EHD4: variants seen among roughly 807,000 people sequenced by gnomAD.
EHD4 encodes EH domain containing 4.
Under a neutral mutation model 51.0 loss-of-function variants are expected in EHD4, and 37 were observed. That is an observed-to-expected ratio of 0.73 (90% CI 0.56 to 0.95). The LOEUF is 0.95. Among genes scored for constraint, EHD4 ranks in the 40% least tolerant of loss-of-function variants. The pLI is 0.00. For synonymous variants in EHD4, 297 were observed against 317.3 expected, an observed-to-expected ratio of 0.94 and a Z score of 0.68; for missense variants, 632 against 733.1, an observed-to-expected ratio of 0.86 and a Z score of 1.59.
At position 41,931,796 on chromosome 15, in the gene EHD4, C is replaced by G. The variant is rs574677400; in HGVS notation, c.511+11271G>C. On this transcript the variant is annotated intron_variant, in intron 3 of 5. Transcript: ENST00000220325. ...GGTTCAAGTGATTCTCCTGCCTCAGCCTCCTGAGTAGCTGGGATTACAGGC... is the reference window on the plus strand; with the variant it reads ...GGTTCAAGTGATTCTCCTGCCTCAGGCTCCTGAGTAGCTGGGATTACAGGC... Among the ~76,000 whole-genome samples, 6 of 151,728 alleles carry G rather than the reference C, an allele frequency of 4.0e-5. No individual in the cohort carries two copies. The East Asian group carries it at 1.2e-3, about 30-fold the overall frequency.
chr15:41,926,335 GA>G (rs1206343906), intron 3 of EHD4, among the ~76,000 whole-genome samples: 1 of 152,202 alleles, frequency 6.6e-6, no homozygotes, highest in Non-Finnish European at 1.5e-5. Context: ...GGTGGTGACG[GA>G]ACACTGCCTA....
intron 1 of EHD4, among the ~76,000 whole-genome samples, chr15:41,960,963 G>A (rs1362452822): frequency 3.3e-5 from 5 of 152,254 alleles, no homozygotes; most frequent in African/African-American, 1.2e-4. Flanking sequence ...GTGAGCCACC[G>A]CGCCAGCCTC....
At chr15:41,970,115 C>T (rs1052690247) in intron 1 of EHD4, among the ~76,000 whole-genome samples, 1 of 152,188 alleles carries the variant, frequency 6.6e-6, no homozygotes, top group Non-Finnish European at 1.5e-5. Context: ...TCCAAGTTCA[C>T]AAGTCTCCAG....
chr15:41,953,741 G>C, intron 2 of EHD4, 23 bp downstream of exon 2: 2 of 1,571,806 alleles, frequency 1.3e-6, no homozygotes, highest in Non-Finnish European at 1.7e-6. Flanking sequence ...CCTGACCGAA[G>C]ATGGCAGCTT....
chr15:41,949,921 T>C (rs2067841921), intron 2 of EHD4, among the ~76,000 whole-genome samples: 1 of 152,172 alleles, frequency 6.6e-6, no homozygotes, highest in Non-Finnish European at 1.5e-5. Flanking sequence ...TGGGTGCCCT[T>C]GGCTGTCTCC....
Position 41,901,149 on chromosome 15 carries a change from G to A in EHD4, c.1122C>T (p.Phe374=). The A allele has an allele frequency of 1.3e-6, 2 of 1,567,630 alleles. No individual in the cohort carries two copies. Among genetic ancestry groups the A allele is most frequent in the Non-Finnish European group, 1.7e-6 (2 of 1,159,812 alleles). The change falls in exon 6 of 6, where the codon TTC becomes TTT. Residue 374 remains phenylalanine, a synonymous_variant. Transcript: ENST00000220325. Reference sequence around the variant, plus strand: ...CGATCAGCTTGGGCTTCAGCGAGTGGAATTTGGTGAAGTCATAGTTCTCAA... The same window carrying A: ...CGATCAGCTTGGGCTTCAGCGAGTGAAATTTGGTGAAGTCATAGTTCTCAA... ...EQLENYDFTK[F]HSLKPKLIEA...
chr15:41,937,105 G>C (rs1389995574), intron 3 of EHD4, among the ~76,000 whole-genome samples: 1 of 152,132 alleles, frequency 6.6e-6, no homozygotes, highest in Non-Finnish European at 1.5e-5. Flanking sequence ...CATGATCCAC[G>C]CCTGTGGCTG....
intron 1 of EHD4, among the ~76,000 whole-genome samples, chr15:41,964,387 G>A (rs553341056): frequency 6.6e-6 from 1 of 152,142 alleles, no homozygotes; most frequent in African/African-American, 2.4e-5. Context: ...AGGATCGCTT[G>A]AGCTCAGGAG....
Position 41,900,946 on chromosome 15 carries a change from C to T in EHD4, c.1325G>A (p.Trp442Ter). Residue 442 changes from tryptophan to a stop codon, truncating the protein, a stop_gained, in exon 6 of 6, where the codon TGG becomes TAG. Transcript: ENST00000220325. LOFTEE classifies it high-confidence loss of function. This position sits in a 1 kb window ranked among gnomAD's most constrained non-coding sequence, Gnocchi z 4.8. Reference sequence around the variant, plus strand: ...GACGGGCTTGTCTTTGGCCACGACCCACTCCTCCTCGTCGGCGCCCTCCTT... The same window carrying T: ...GACGGGCTTGTCTTTGGCCACGACCTACTCCTCCTCGTCGGCGCCCTCCTT... ...GAKEGADEEE[W>*]VVAKDKPVYD... 1 of 1,613,698 alleles carries T rather than the reference C, an allele frequency of 6.2e-7. No individual in the cohort carries two copies. The highest frequency in any genetic ancestry group is 8.5e-7 in the Non-Finnish European group (1 of 1,179,640).
intron 3 of EHD4, chr15:41,942,273 G>A (rs1470827111): frequency 6.9e-6 from 1 of 145,606 alleles, no homozygotes; most frequent in Non-Finnish European, 1.5e-5. Context: ...TTGAGACGGA[G>A]TTTCGCTCTT....
chr15:41,952,917 G>A (rs922321950), intron 2 of EHD4, among the ~76,000 whole-genome samples: 6 of 150,888 alleles, frequency 4.0e-5, no homozygotes, highest in Non-Finnish European at 7.4e-5. Flanking sequence ...TTGAACCTGG[G>A]AGGCGGAGGT....
intron 3 of EHD4, among the ~76,000 whole-genome samples, chr15:41,930,373 G>A (rs2067690535): frequency 6.6e-6 from 1 of 152,190 alleles, no homozygotes; most frequent in African/African-American, 2.4e-5. Context: ...TACTTGCACT[G>A]AATTTTCTTG....
At chr15:41,931,759 C>T (rs1392763185) in intron 3 of EHD4, among the ~76,000 whole-genome samples, 1 of 151,720 alleles carries the variant, frequency 6.6e-6, no homozygotes, top group African/African-American at 2.4e-5. Context: ...TCACTGCAAC[C>T]TCCACCTCCC....
At chr15:41,901,516 C>T (rs137884822) in intron 5 of EHD4, among the ~76,000 whole-genome samples, 3 of 152,320 alleles carry the variant, frequency 2.0e-5, no homozygotes, top group African/African-American at 7.2e-5. Context: ...TCACTACACA[C>T]TTCAGCCGAT....
At chr15:41,959,063 G>A (rs1425770260) in intron 1 of EHD4, among the ~76,000 whole-genome samples, 1 of 152,178 alleles carries the variant, frequency 6.6e-6, no homozygotes, top group Admixed American at 6.5e-5. Flanking sequence ...TGTTGTATGA[G>A]CATTATTTTT....
intron 3 of EHD4, among the ~76,000 whole-genome samples, chr15:41,923,774 A>G (rs1489834090): frequency 2.0e-5 from 3 of 152,384 alleles, no homozygotes; most frequent in African/African-American, 4.8e-5. Flanking sequence ...CCAAAAAGTT[A>G]CCAATAGATG....
intron 4 of EHD4, among the ~76,000 whole-genome samples, chr15:41,914,198 C>A (rs2067568137): frequency 6.6e-6 from 1 of 152,142 alleles, no homozygotes; most frequent in Non-Finnish European, 1.5e-5. Flanking sequence ...GAGGATCAGG[C>A]AGTAGTTTGG....
chr15:41,936,601 T>G (rs2067733340), intron 3 of EHD4, among the ~76,000 whole-genome samples: 1 of 152,158 alleles, frequency 6.6e-6, no homozygotes, highest in South Asian at 2.1e-4. Flanking sequence ...GAAGTGTCCT[T>G]CTCCCCATCA....
At position 41,919,273 on chromosome 15, in the gene EHD4, G is replaced by A. The variant is rs769035690; in HGVS notation, c.861C>T (p.Ser287=). 6.2e-7 allele frequency: 1 copy of A among 1,614,134 alleles called. No homozygotes were observed. Among genetic ancestry groups the A allele is most frequent in the Non-Finnish European group, 8.5e-7 (1 of 1,180,044 alleles). The change falls in exon 4 of 6, where the codon AGC becomes AGT. Residue 287 remains serine, a synonymous_variant. Coordinates refer to ENST00000220325, the MANE Select transcript of EHD4 (RefSeq NM_139265.4). ...EAQDLFRDIQ[S]LPQKAAVRKL... is the part of the protein sequence containing the mutation. ...TGCGCACCGCTGCCTTCTGGGGGAG[G>A]CTCTGGATGTCTCTAAAGAGGTCCT...
Sources: gnomAD v4.1 joint callset for allele counts (sites outside exome capture counted in the v4.1 genomes callset) on GRCh38, gnomAD v4.1.1 for gene constraint, Gnocchi (gnomAD v3.1) non-coding constraint, MANE v1.5 for transcripts, NCBI Gene and HGNC (gene_info 2026-07-23, HGNC 2026-07-21) for gene names.